The following CNBD1 variants were observed in gnomAD, a reference collection of about 807,000 sequenced individuals.
CNBD1 encodes the protein cyclic nucleotide binding domain containing 1.
In CNBD1, 71 loss-of-function variants were observed where a neutral mutation model predicts 54.4. The ratio of observed to expected loss-of-function variants is 1.30; its 90% CI spans 1.08 to 1.59. CNBD1 has a LOEUF of 1.59. Ranked by LOEUF, CNBD1 falls within the 40% of genes most tolerant of loss-of-function variation. The pLI, the probability that CNBD1 is intolerant of heterozygous loss-of-function variation, is 0.00. For synonymous variants in CNBD1, 182 were observed against 170.7 expected, an observed-to-expected ratio of 1.07 and a Z score of -0.51; for missense variants, 659 against 518.0, an observed-to-expected ratio of 1.27 and a Z score of -2.64.
At chr8:87,064,852 G>A (rs904794905) in intron 4 of CNBD1, among the ~76,000 whole-genome samples, 1 of 151,890 alleles carries the variant, frequency 6.6e-6, no homozygotes, top group Non-Finnish European at 1.5e-5. Context: ...TAGTACAACA[G>A]ACATTAATTT....
chr8:87,280,109 T>A (rs904360457), intron 6 of CNBD1, among the ~76,000 whole-genome samples: 1 of 151,574 alleles, frequency 6.6e-6, no homozygotes, highest in Non-Finnish European at 1.5e-5. Flanking sequence ...CCCATCAGAT[T>A]CTCACATTCA....
chr8:86,936,653 G>A (rs1397530741), intron 3 of CNBD1, among the ~76,000 whole-genome samples: 1 of 149,912 alleles, frequency 6.7e-6, no homozygotes, highest in Admixed American at 6.7e-5. Context: ...TGAGGCAGGA[G>A]AATGGTGTGA....
chr8:86,987,400 C>G (rs371550337), intron 4 of CNBD1, among the ~76,000 whole-genome samples: 7 of 152,052 alleles, frequency 4.6e-5, no homozygotes, highest in African/African-American at 1.7e-4. Context: ...TTCTAGGGGC[C>G]TTTTGGCAGT....
intron 4 of CNBD1, among the ~76,000 whole-genome samples, chr8:87,071,297 C>T (rs1810754324): frequency 6.6e-6 from 1 of 152,106 alleles, no homozygotes; most frequent in Non-Finnish European, 1.5e-5. Context: ...CACACTACTG[C>T]ATACTATAGT....
intron 4 of CNBD1, among the ~76,000 whole-genome samples, chr8:86,988,241 A>G (rs1489438194): frequency 6.7e-6 from 1 of 148,736 alleles, no homozygotes; most frequent in Non-Finnish European, 1.5e-5. Context: ...CAGAGGTTGT[A>G]TGTTTCCAGG....
chr8:87,300,258 T>A (rs1808958371), intron 8 of CNBD1, among the ~76,000 whole-genome samples: 1 of 152,158 alleles, frequency 6.6e-6, no homozygotes, highest in Non-Finnish European at 1.5e-5. Context: ...TAACAAAATA[T>A]TTGTGTCCAT....
At chr8:87,099,361 C>T (rs1279198687) in intron 4 of CNBD1, among the ~76,000 whole-genome samples, 1 of 152,004 alleles carries the variant, frequency 6.6e-6, no homozygotes, top group Admixed American at 6.6e-5. Flanking sequence ...AAATGGAAAG[C>T]CTTTGAACAT....
intron 8 of CNBD1, among the ~76,000 whole-genome samples, chr8:87,326,530 C>A (rs1179323673): frequency 8.5e-6 from 1 of 118,342 alleles, no homozygotes; most frequent in Non-Finnish European, 1.9e-5. Context: ...TCTAACCTTC[C>A]CTTCTCGCTT....
rs370795452 is a variant in CNBD1 at position 86,866,584 on chromosome 8, G to A, written c.88+1G>A. On this transcript the variant is annotated splice_donor_variant, in intron 1 of 10. Coordinates refer to ENST00000518476, the MANE Select transcript of CNBD1 (RefSeq NM_173538.3). LOFTEE classifies it high-confidence loss of function. ...CCTCCTCCACTTCACAGTATACCAAGTGAGTGGGAAATACTTTGATGCTCT... is the reference window on the plus strand; with the variant it reads ...CCTCCTCCACTTCACAGTATACCAAATGAGTGGGAAATACTTTGATGCTCT... 3 of 1,595,588 alleles carry A rather than the reference G, an allele frequency of 1.9e-6. No homozygotes were observed. Among genetic ancestry groups the A allele is most frequent in the Non-Finnish European group, 2.6e-6 (3 of 1,166,466 alleles).
chr8:87,338,142 A>C (rs1272948782), intron 8 of CNBD1, among the ~76,000 whole-genome samples: 2 of 152,196 alleles, frequency 1.3e-5, no homozygotes, highest in Admixed American at 6.5e-5. Flanking sequence ...ATACTATACC[A>C]CTTCACAGAA....
downstream of CNBD1, among the ~76,000 whole-genome samples, chr8:87,383,145 CT>C (rs1282720129): frequency 6.6e-6 from 1 of 151,896 alleles, no homozygotes; most frequent in Non-Finnish European, 1.5e-5. Context: ...CTTTTTTCAT[CT>C]TTTAAAAATA....
At chr8:86,931,570 G>C (rs189860790) in intron 3 of CNBD1, among the ~76,000 whole-genome samples, 1 of 152,210 alleles carries the variant, frequency 6.6e-6, no homozygotes, top group Non-Finnish European at 1.5e-5. Flanking sequence ...GAACCACAAA[G>C]GTTTGTTTGT....
chr8:87,117,693 G>T (rs934753042), intron 4 of CNBD1, among the ~76,000 whole-genome samples: 1 of 152,118 alleles, frequency 6.6e-6, no homozygotes, highest in Non-Finnish European at 1.5e-5. Context: ...AAGATAAATT[G>T]CAAAGACTCA....
intron 4 of CNBD1, among the ~76,000 whole-genome samples, chr8:86,986,773 C>T (rs1808618260): frequency 6.6e-6 from 1 of 152,078 alleles, no homozygotes; most frequent in South Asian, 2.1e-4. Context: ...ACAGGATGTT[C>T]TTACCTATTG....
chr8:87,074,160 T>TG (rs1488750188), intron 4 of CNBD1, among the ~76,000 whole-genome samples: 12 of 150,436 alleles, frequency 8.0e-5, no homozygotes, highest in African/African-American at 2.9e-4. Context: ...TGTGCTGCAC[T>TG]GGGGGTTGTT....
intron 4 of CNBD1, among the ~76,000 whole-genome samples, chr8:86,992,631 T>A (rs1808779286): frequency 6.6e-6 from 1 of 152,156 alleles, no homozygotes; most frequent in Non-Finnish European, 1.5e-5. Context: ...TGCTTAACAT[T>A]CCCTTAAGAG....
intron 8 of CNBD1, among the ~76,000 whole-genome samples, chr8:87,295,524 CT>C (rs1808862455): frequency 6.6e-6 from 1 of 151,510 alleles, no homozygotes; most frequent in Admixed American, 6.6e-5. Context: ...AATTAAACAC[CT>C]TTTAATAATG....
rs186787712 is a variant in CNBD1 at position 86,928,835 on chromosome 8, C to G, written c.273-10761C>G. 2.3e-3 allele frequency among the ~76,000 whole-genome samples: 355 copies of G among 152,262 alleles called. 2 individuals are homozygous for G. The highest frequency in any genetic ancestry group is 8.3e-3 in the African/African-American group (343 of 41,536). ...TTGGCCCTGTAAATAGGGATTTGGCCATTTGATGAGTGTTCTCAATACCCA... is the reference window on the plus strand; with the variant it reads ...TTGGCCCTGTAAATAGGGATTTGGCGATTTGATGAGTGTTCTCAATACCCA... On this transcript the variant is annotated intron_variant, in intron 3 of 10. Transcript: ENST00000518476.
intron 4 of CNBD1, among the ~76,000 whole-genome samples, chr8:87,085,616 G>T (rs1811080935): frequency 6.6e-6 from 1 of 152,136 alleles, no homozygotes; most frequent in Admixed American, 6.5e-5. Flanking sequence ...AGTGGCAGCT[G>T]AGTAGCAAGT....
Sources: allele counts gnomAD v4.1 joint callset (sites outside exome capture counted in the v4.1 genomes callset), GRCh38; gene constraint gnomAD v4.1.1; transcripts MANE v1.5; gene names NCBI Gene and HGNC (gene_info 2026-07-23, HGNC 2026-07-21).